Variants in NBEA observed in about 807,000 individuals in gnomAD.
NBEA encodes the protein lysosomal-trafficking regulator 2.
NBEA carries 44 observed loss-of-function variants against 343.4 expected under a neutral mutation model. The observed-to-expected ratio is 0.13, with a 90% CI of 0.10 to 0.16. NBEA has a LOEUF of 0.16. Among genes scored for constraint, NBEA ranks in the 10% least tolerant of loss-of-function variants. The pLI is 1.00. For missense variants in NBEA, 2,555 were observed against 3,631.3 expected (o/e 0.70, Z 7.62); for synonymous variants, 1,175 against 1,238.7 (o/e 0.95, Z 1.08).
chr13:35,136,806 C>A (rs1339612302), intron 17 of NBEA, among the ~76,000 whole-genome samples: 1 of 152,136 alleles, frequency 6.6e-6, no homozygotes, highest in East Asian at 1.9e-4. Flanking sequence ...TTCTTCATCT[C>A]CTCTTGAATG....
chr13:35,244,342 A>G (rs902342266), intron 34 of NBEA, among the ~76,000 whole-genome samples: 1 of 151,856 alleles, frequency 6.6e-6, no homozygotes, highest in Non-Finnish European at 1.5e-5. Flanking sequence ...TGAATAGCCA[A>G]TTATCCCAGC....
chr13:35,646,388 T>G, intron 51 of NBEA, 40 bp downstream of exon 51: 1 of 1,428,340 alleles, frequency 7.0e-7, no homozygotes, highest in Non-Finnish European at 9.8e-7. Context: ...TTTTCTTTCC[T>G]TTTTACCTGG....
At chr13:35,368,332 T>C (rs1321537232) in intron 38 of NBEA, among the ~76,000 whole-genome samples, 1 of 151,542 alleles carries the variant, frequency 6.6e-6, no homozygotes, top group East Asian at 1.9e-4. Context: ...AATCATCTTA[T>C]AAAGAAACCT....
At chr13:35,196,787 A>T (rs1383283823) in intron 31 of NBEA, among the ~76,000 whole-genome samples, 2 of 152,268 alleles carry the variant, frequency 1.3e-5, no homozygotes, top group Admixed American at 6.5e-5. Flanking sequence ...GAAAAATTTT[A>T]AAATTGTTTG....
chr13:35,186,464 C>T (rs1294469951), intron 30 of NBEA: 1 of 152,068 alleles, frequency 6.6e-6, no homozygotes, highest in Non-Finnish European at 1.5e-5. Flanking sequence ...ATCTGGAATC[C>T]ATTTCTGTCA....
intron 38 of NBEA, among the ~76,000 whole-genome samples, chr13:35,409,328 C>G (rs1034646591): frequency 6.6e-6 from 1 of 151,980 alleles, no homozygotes; most frequent in African/African-American, 2.4e-5. Context: ...ATGACACACA[C>G]TGGGGCCTAT....
intron 48 of NBEA, among the ~76,000 whole-genome samples, chr13:35,609,003 C>T (rs551793331): frequency 1.9e-4 from 29 of 152,214 alleles, no homozygotes; most frequent in African/African-American, 6.7e-4. Flanking sequence ...TGAGATTATT[C>T]GATCTCTACT....
chr13:35,192,809 A>G (rs186571733), intron 30 of NBEA, among the ~76,000 whole-genome samples: 1 of 152,070 alleles, frequency 6.6e-6, no homozygotes, highest in African/African-American at 2.4e-5. Flanking sequence ...TTATTTCCTT[A>G]GGTATTTTGT....
chr13:35,591,098 T>C (rs1203407527), intron 46 of NBEA, among the ~76,000 whole-genome samples: 1 of 152,060 alleles, frequency 6.6e-6, no homozygotes, highest in Non-Finnish European at 1.5e-5. Context: ...TTTCTCTATG[T>C]TATTTCATTT....
chr13:35,558,692 G>A (rs896588425), intron 44 of NBEA, among the ~76,000 whole-genome samples: 2 of 152,144 alleles, frequency 1.3e-5, no homozygotes, highest in African/African-American at 2.4e-5. Flanking sequence ...TCAGAAGCCG[G>A]CAACCTGCCT....
At chr13:35,222,110 G>C (rs867503) in intron 33 of NBEA, among the ~76,000 whole-genome samples, 15,534 of 151,986 alleles carry the variant, frequency 0.1, 843 homozygotes, top group South Asian at 0.12. Flanking sequence ...ATATTAGATG[G>C]AGTGTAAATG....
intron 43 of NBEA, 144 bp downstream of exon 43, chr13:35,551,176 G>A (rs907941121): frequency 2.1e-6 from 1 of 484,398 alleles, no homozygotes; most frequent in Non-Finnish European, 3.5e-6. Flanking sequence ...TGTAGGGATA[G>A]AGATTATGAA....
intron 36 of NBEA, among the ~76,000 whole-genome samples, chr13:35,340,202 A>C (rs2039507341): frequency 6.6e-6 from 1 of 152,262 alleles, no homozygotes; most frequent in East Asian, 1.9e-4. Context: ...CATTATTTGC[A>C]GTACTTAGAA....
chr13:35,595,426 T>C (rs2081745091), intron 47 of NBEA, among the ~76,000 whole-genome samples: 1 of 152,068 alleles, frequency 6.6e-6, no homozygotes, highest in East Asian at 1.9e-4. Flanking sequence ...CATTTTCAGC[T>C]CTCTTACCAC....
At chr13:35,433,874 T>G (rs1409548292) in intron 39 of NBEA, among the ~76,000 whole-genome samples, 2 of 152,030 alleles carry the variant, frequency 1.3e-5, no homozygotes, top group Admixed American at 6.6e-5. Flanking sequence ...ATCTTAAAAT[T>G]ATTAAACCTT....
At chr13:35,098,265 A>T in intron 10 of NBEA, 32 bp from the exon 11 acceptor site, 1 of 1,408,474 alleles carries the variant, frequency 7.1e-7, no homozygotes, top group East Asian at 2.4e-5. Context: ...ACATGTGATG[A>T]TTACATAATG....
chr13:35,003,872 A>G lies in NBEA; in HGVS notation c.295-37061A>G, dbSNP rs189733741. Among the ~76,000 whole-genome samples, 9 of 152,182 alleles carry G rather than the reference A, an allele frequency of 5.9e-5. No individual in the cohort carries two copies. The East Asian group carries it at 1.7e-3, about 29-fold the overall frequency. ...GTGCCATGGTGGTTTGCTGCATGTA[A>G]CAACCCATCTCCTAGGTATTAAGCC... On this transcript the variant is annotated intron_variant, in intron 1 of 58. Transcript: ENST00000379939.
chr13:35,020,801 G>A (rs1442520566), intron 1 of NBEA, among the ~76,000 whole-genome samples: 1 of 152,144 alleles, frequency 6.6e-6, no homozygotes, highest in African/African-American at 2.4e-5. Context: ...TTACAGGTAT[G>A]AGCCACTGTG....
At chr13:35,459,779 G>C (rs1344633201) in intron 40 of NBEA, among the ~76,000 whole-genome samples, 1 of 152,036 alleles carries the variant, frequency 6.6e-6, no homozygotes, top group African/African-American at 2.4e-5. Flanking sequence ...AAGATTCTGG[G>C]GAAACATAAT....
Sources: allele counts gnomAD v4.1 joint callset (sites outside exome capture counted in the v4.1 genomes callset), GRCh38; gene constraint gnomAD v4.1.1; transcripts MANE v1.5; gene names NCBI Gene and HGNC (gene_info 2026-07-23, HGNC 2026-07-21).